The following RIMS2 variants were observed in gnomAD, a reference collection of about 807,000 sequenced individuals.
The protein encoded by RIMS2 is regulating synaptic membrane exocytosis 2, also known as regulating synaptic membrane exocytosis protein 2.
Under a neutral mutation model 174.4 loss-of-function variants are expected in RIMS2, and 59 were observed. The ratio of observed to expected loss-of-function variants is 0.34; its 90% CI spans 0.27 to 0.42. RIMS2 has a LOEUF of 0.42. RIMS2 is among the 10% of genes least tolerant of loss of function. RIMS2 has a pLI of 1.00. For missense variants in RIMS2, 1,620 were observed against 1,666.3 expected (o/e 0.97, Z 0.48); for synonymous variants, 606 against 572.5 (o/e 1.06, Z -0.84).
chr8:103,988,069 G>A (rs1261853090), intron 16 of RIMS2, among the ~76,000 whole-genome samples: 1 of 152,138 alleles, frequency 6.6e-6, no homozygotes, highest in Non-Finnish European at 1.5e-5. Context: ...TAGGCATTAT[G>A]TGGAAGGATA....
chr8:103,728,748 CT>C (rs71575982), intron 2 of RIMS2, among the ~76,000 whole-genome samples: 37,360 of 92,844 alleles, frequency 0.4, 6,205 homozygotes, highest in East Asian at 0.73. Context: ...TATGCTCCTT[CT>C]TTTTTTTTTT....
At chr8:104,053,247 A>G (rs1400916025) in intron 19 of RIMS2, among the ~76,000 whole-genome samples, 3 of 152,198 alleles carry the variant, frequency 2.0e-5, no homozygotes, top group Non-Finnish European at 4.4e-5. Context: ...AATATTGGAG[A>G]TATAGTAAGA....
intron 4 of RIMS2, among the ~76,000 whole-genome samples, chr8:103,892,462 C>G (rs1163800220): frequency 6.6e-6 from 1 of 151,878 alleles, no homozygotes; most frequent in African/African-American, 2.4e-5. Context: ...CCTCAGCCTC[C>G]CAAAGTGCTG....
chr8:104,069,960 T>C (rs1702546774), intron 19 of RIMS2, among the ~76,000 whole-genome samples: 1 of 152,204 alleles, frequency 6.6e-6, no homozygotes, highest in African/African-American at 2.4e-5. Context: ...AATTGAATCA[T>C]TATAGTTGTA....
intron 3 of RIMS2, among the ~76,000 whole-genome samples, chr8:103,769,720 A>G (rs2098227825): frequency 6.6e-6 from 1 of 152,260 alleles, no homozygotes; most frequent in African/African-American, 2.4e-5. Context: ...TGGCCTGAAT[A>G]AACAATTGAA....
intron 19 of RIMS2, among the ~76,000 whole-genome samples, chr8:104,201,677 AC>A (rs1480197811): frequency 9.2e-5 from 14 of 152,182 alleles, no homozygotes; most frequent in African/African-American, 3.4e-4. Context: ...AAACATGTTC[AC>A]TTTTGATTTG....
intron 19 of RIMS2, among the ~76,000 whole-genome samples, chr8:104,103,984 TGAGAAGGCAAACCTACTA>T (rs1485177367): frequency 6.6e-6 from 1 of 152,088 alleles, no homozygotes; most frequent in East Asian, 1.9e-4. Context: ...GGTAGAGGAC[TGAGAAGGCAAACCTACTA>T]GAGTAAGAAC....
At chr8:104,110,951 C>T (rs759728639) in intron 19 of RIMS2, among the ~76,000 whole-genome samples, 40 of 152,160 alleles carry the variant, frequency 2.6e-4, no homozygotes, top group Non-Finnish European at 5.6e-4. Context: ...AACTCATTGA[C>T]ATGCTTTAAT....
chr8:103,945,505 A>G lies in RIMS2; in HGVS notation c.2701+2579A>G, dbSNP rs534022447. 2.8e-3 allele frequency among the ~76,000 whole-genome samples: 424 copies of G among 152,240 alleles called. 5 individuals are homozygous for G. Among genetic ancestry groups the G allele is most frequent in the Non-Finnish European group, 4.5e-3 (303 of 67,980 alleles). On this transcript the variant is annotated intron_variant, in intron 14 of 23. Transcript: ENST00000504942. ...TAAAAGAAAAGAAAACTACAGACCA[A>G]TATTCCTCATGAACATACACACAGA... is the stretch of plus-strand genomic sequence containing the variant.
At chr8:103,888,808 A>T (rs76911070) in intron 4 of RIMS2, among the ~76,000 whole-genome samples, 1 of 151,594 alleles carries the variant, frequency 6.6e-6, no homozygotes, top group African/African-American at 2.4e-5. Context: ...ACTTTTTTTT[A>T]TTCCAAAACT....
At chr8:103,565,038 G>T (rs2092159796) in intron 1 of RIMS2, among the ~76,000 whole-genome samples, 1 of 152,082 alleles carries the variant, frequency 6.6e-6, no homozygotes, top group Non-Finnish European at 1.5e-5. Flanking sequence ...ACTTTTACTG[G>T]GTTCTATTTA....
rs193041228 is a variant in RIMS2 at position 103,737,361 on chromosome 8, T to G, written c.388-28866T>G. On this transcript the variant is annotated intron_variant, in intron 2 of 23. Coordinates refer to ENST00000504942, the Ensembl canonical transcript of RIMS2. The stretch of plus-strand genomic sequence containing the variant: ...ACCATGTCTGGCTAATTTTTTTCTA[T>G]TTTTTAGTAGAGATAGGGTTTCACC... Among the ~76,000 whole-genome samples, 168 of 151,694 alleles carry G rather than the reference T, an allele frequency of 1.1e-3. 1 individual carries two copies. Among genetic ancestry groups the G allele is most frequent in the Admixed American group, 4.5e-3 (69 of 15,220 alleles).
intron 3 of RIMS2, among the ~76,000 whole-genome samples, chr8:103,870,549 T>C (rs2099106366): frequency 6.6e-6 from 1 of 152,206 alleles, no homozygotes; most frequent in African/African-American, 2.4e-5. Context: ...AAATTCTTTC[T>C]GTTCAGTGTT....
At chr8:104,035,616 A>AT (rs1158302569) in intron 19 of RIMS2, among the ~76,000 whole-genome samples, 1 of 151,616 alleles carries the variant, frequency 6.6e-6, no homozygotes, top group East Asian at 1.9e-4. Context: ...ATACTGTGAA[A>AT]TTTTTTTTGA....
At chr8:103,849,252 C>G (rs1233396303) in intron 3 of RIMS2, among the ~76,000 whole-genome samples, 1 of 152,038 alleles carries the variant, frequency 6.6e-6, no homozygotes, top group African/African-American at 2.4e-5. Context: ...TAATCCAACT[C>G]CAGAATTTCC....
chr8:104,240,193 T>C (rs529826577), intron 19 of RIMS2, among the ~76,000 whole-genome samples: 1 of 152,342 alleles, frequency 6.6e-6, no homozygotes, highest in African/African-American at 2.4e-5. Context: ...AAGCACCCTA[T>C]CTTTAGGTCA....
intron 3 of RIMS2, among the ~76,000 whole-genome samples, chr8:103,882,657 G>A (rs896973512): frequency 4.0e-5 from 6 of 151,462 alleles, no homozygotes; most frequent in Non-Finnish European, 7.4e-5. Context: ...TGGCAAATTT[G>A]ATAATCTCTA....
At chr8:104,018,353 A>G (rs2095985694) in intron 19 of RIMS2, among the ~76,000 whole-genome samples, 1 of 152,212 alleles carries the variant, frequency 6.6e-6, no homozygotes, top group Non-Finnish European at 1.5e-5. Flanking sequence ...ATAAGACTTT[A>G]GGCTCCAAAT....
intron 19 of RIMS2, among the ~76,000 whole-genome samples, chr8:104,235,283 C>G (rs2099252378): frequency 6.6e-6 from 1 of 152,122 alleles, no homozygotes; most frequent in Admixed American, 6.6e-5. Context: ...GGAAGCCCAG[C>G]ATGCTTTGAG....
Sources: gnomAD v4.1 joint callset for allele counts (sites outside exome capture counted in the v4.1 genomes callset) on GRCh38, gnomAD v4.1.1 for gene constraint, MANE v1.5 for transcripts, NCBI Gene and HGNC (gene_info 2026-07-23, HGNC 2026-07-21) for gene names.